Variants in TULP4 observed in about 807,000 individuals in gnomAD.
TULP4 encodes TUB like protein 4, also known as tubby-related protein 4.
In TULP4, 16 loss-of-function variants were observed where a neutral mutation model predicts 129.0. The ratio of observed to expected loss-of-function variants is 0.12; its 90% CI spans 0.08 to 0.19. The LOEUF is 0.19. Among genes scored for constraint, TULP4 ranks in the 10% least tolerant of loss-of-function variants. TULP4 has a pLI of 1.00. For missense variants in TULP4, 1,842 were observed against 2,059.1 expected, an observed-to-expected ratio of 0.89 and a Z score of 2.04; for synonymous variants, 998 against 854.0, an observed-to-expected ratio of 1.17 and a Z score of -2.94.
chr6:158,360,172 A>G (rs1458587948), intron 1 of TULP4, among the ~76,000 whole-genome samples: 1 of 152,116 alleles, frequency 6.6e-6, no homozygotes, highest in Non-Finnish European at 1.5e-5. Context: ...ACACAAATTA[A>G]CAGATTTCAT....
rs377538518 is a variant in TULP4, at chr6:158,480,718, A to G, written c.1252-337A>G. 2.0e-5 allele frequency among the ~76,000 whole-genome samples: 3 copies of G among 151,908 alleles called. No individual in the cohort carries two copies. The South Asian group carries it at 6.2e-4, about 32-fold the overall frequency. The stretch of plus-strand genomic sequence containing the variant: ...GTTTTTTTTTCCTAAGTTGCCTTAC[A>G]CTATTGATTCTACACGAGCAGATCT... On this transcript the variant is annotated intron_variant, in intron 7 of 13. Coordinates refer to ENST00000367097, the MANE Select transcript of TULP4 (RefSeq NM_020245.5).
chr6:158,387,519 G>T (rs1272499570), intron 1 of TULP4, among the ~76,000 whole-genome samples: 1 of 152,196 alleles, frequency 6.6e-6, no homozygotes, highest in Admixed American at 6.5e-5. Flanking sequence ...GTAGCAGCCT[G>T]ATCAGTAAAT....
chr6:158,410,643 G>A (rs1246455769), intron 1 of TULP4, among the ~76,000 whole-genome samples: 1 of 152,182 alleles, frequency 6.6e-6, no homozygotes, highest in African/African-American at 2.4e-5. Context: ...GGATTCTAGT[G>A]CTTGGGTCAA....
At position 158,401,050 on chromosome 6, in the gene TULP4, TTTGTTGTTG is replaced by T. The variant is rs199720242; in HGVS notation, c.253-11988_253-11980del. The stretch of plus-strand genomic sequence containing the variant: ...CCGCCTTTTATGTTTGTTTGGGTTT[TTTGTTGTTG>T]TTGTTGTTGTTGTTGTTGTTGTTGT... On this transcript the variant is annotated intron_variant, in intron 1 of 13. Coordinates refer to ENST00000367097, the MANE Select transcript of TULP4 (RefSeq NM_020245.5). 7.2e-3 allele frequency among the ~76,000 whole-genome samples: 1,062 copies of T among 147,202 alleles called. 4 individuals are homozygous for T. The highest frequency in any genetic ancestry group is 0.018 in the African/African-American group (709 of 39,818).
At chr6:158,276,817 T>A (rs1778655413) in intron 1 of TULP4, among the ~76,000 whole-genome samples, 1 of 152,280 alleles carries the variant, frequency 6.6e-6, no homozygotes, top group Admixed American at 6.5e-5. Flanking sequence ...TATAGTATAT[T>A]TGCTAATAAT....
At chr6:158,469,752 C>T (rs190734663) in intron 6 of TULP4, among the ~76,000 whole-genome samples, 19 of 151,600 alleles carry the variant, frequency 1.3e-4, no homozygotes, top group South Asian at 1.0e-3. Context: ...ATGAATAGAA[C>T]GAGGGGAAAT....
rs572485381 is a variant in TULP4 at position 158,240,966 on chromosome 6, C to T, written n.68+8663C>T. ...CTTCTCAGTCAGGGCAGCTGCCGGG[C>T]GGAGGGGCTCCTCACTTCTCAGACG... On this transcript the variant is annotated intron_variant and non_coding_transcript_variant, in intron 1 of 1. Transcript: ENST00000620026. 1.8e-3 allele frequency among the ~76,000 whole-genome samples: 249 copies of T among 142,254 alleles called. 1 individual carries two copies. The highest frequency in any genetic ancestry group is 5.6e-3 in the African/African-American group (226 of 40,308). The allele number at this position is 142,254 out of a possible 152,430, so 93.3% of individuals were successfully genotyped here.
At chr6:158,453,205 T>C (rs1345290292) in intron 5 of TULP4, among the ~76,000 whole-genome samples, 3 of 152,062 alleles carry the variant, frequency 2.0e-5, no homozygotes, top group Non-Finnish European at 4.4e-5. Context: ...CGGTGGCTCA[T>C]GCCTGTAATC....
In TULP4 at chr6:158,503,733, A is replaced by G. The variant is rs1780529928; in HGVS notation, c.4070A>G (p.Lys1357Arg). 6.2e-7 allele frequency: 1 copy of G among 1,614,106 alleles called. No individual in the cohort carries two copies. Among genetic ancestry groups the G allele is most frequent in the Non-Finnish European group, 8.5e-7 (1 of 1,180,038 alleles). ...EGSVQAITEG[K>R]VKKEARTLSD... Reference sequence around the variant, plus strand: ...AGCGTTCAGGCCATCACTGAGGGCAAAGTGAAGAAGGAGGCTAGGACTTTG... The same window carrying G: ...AGCGTTCAGGCCATCACTGAGGGCAGAGTGAAGAAGGAGGCTAGGACTTTG... Residue 1357 changes from lysine (K) to arginine (R), a missense_variant, in exon 13 of 14, where the codon AAA becomes AGA. By Grantham distance (26) the Lys-to-Arg change is conservative. Around this residue, in one of 5 missense-constraint regions of TULP4, gnomAD observed 1,089 missense variants for 987.1 expected, o/e 1.10. Coordinates refer to ENST00000367097, the MANE Select transcript of TULP4 (RefSeq NM_020245.5). The surrounding 1 kb of genome is among the most constrained non-coding windows in gnomAD (Gnocchi z 4.3).
At chr6:158,239,126 G>A in intron 1 of TULP4, among the ~76,000 whole-genome samples, 1 of 115,314 alleles carries the variant, frequency 8.7e-6, no homozygotes, top group Admixed American at 8.1e-5. Flanking sequence ...TCCCAGTAGG[G>A]GCGGCCGGGC....
intron 1 of TULP4, among the ~76,000 whole-genome samples, chr6:158,283,268 A>G (rs1449521972): frequency 6.6e-6 from 1 of 152,182 alleles, no homozygotes; most frequent in Non-Finnish European, 1.5e-5. Context: ...AATATCTTCC[A>G]TAAATGGTTA....
At chr6:158,384,567 C>T (rs1244649258) in intron 1 of TULP4, among the ~76,000 whole-genome samples, 2 of 152,124 alleles carry the variant, frequency 1.3e-5, no homozygotes, top group East Asian at 1.9e-4. Flanking sequence ...GGATTACAGG[C>T]GTGAGCCACC....
At chr6:158,244,623 A>G (rs1269670211) in intron 1 of TULP4, among the ~76,000 whole-genome samples, 1 of 152,150 alleles carries the variant, frequency 6.6e-6, no homozygotes. Flanking sequence ...AAGGGAGGAA[A>G]AAAAGCCTGA....
intron 1 of TULP4, among the ~76,000 whole-genome samples, chr6:158,332,938 C>T (rs544303294): frequency 6.2e-4 from 94 of 152,204 alleles, no homozygotes; most frequent in African/African-American, 2.0e-3. Context: ...TACACACACA[C>T]GTACATACAT....
upstream of TULP4, among the ~76,000 whole-genome samples, chr6:158,281,145 T>C (rs1778742844): frequency 6.6e-6 from 1 of 152,092 alleles, no homozygotes; most frequent in Admixed American, 6.5e-5. Context: ...CTCATTTGTT[T>C]CCATGCATTT....
intron 6 of TULP4, among the ~76,000 whole-genome samples, chr6:158,474,317 A>G (rs78602319): frequency 1.3e-5 from 2 of 152,218 alleles, no homozygotes; most frequent in African/African-American, 4.8e-5. Flanking sequence ...GTGGCCGGGT[A>G]GCCAGTCCTC....
chr6:158,281,230 TGA>T (rs1778745974), upstream of TULP4, among the ~76,000 whole-genome samples: 1 of 144,756 alleles, frequency 6.9e-6, no homozygotes, highest in African/African-American at 2.5e-5. Context: ...TTTTTTTTTT[TGA>T]GACGGAGTTT....
intron 7 of TULP4, 86 bp from the exon 8 acceptor site, chr6:158,480,969 T>C (rs1231605577): frequency 2.4e-6 from 3 of 1,260,402 alleles, no homozygotes; most frequent in Non-Finnish European, 3.3e-6. Flanking sequence ...GCGTTTTTAG[T>C]TGACCTGCCC....
rs1222467605 is a variant in TULP4, at chr6:158,507,700, A to T, written c.*1006A>T. The T allele has an allele frequency of 6.6e-6, 1 of 152,202 alleles. No homozygotes were observed. Among genetic ancestry groups the T allele is most frequent in the Non-Finnish European group, 1.5e-5 (1 of 68,040 alleles). 9.4% of individuals were successfully genotyped at this position (152,202 alleles called of 1,614,324 possible). On this transcript the variant is annotated 3_prime_UTR_variant, in exon 14 of 14. Transcript: ENST00000367097. ...TCTGGAATGCATTACTGTAAACATGATCTTTCCCATGAGATACCATGTTCT... is the reference window on the plus strand; with the variant it reads ...TCTGGAATGCATTACTGTAAACATGTTCTTTCCCATGAGATACCATGTTCT...
Sources: allele counts gnomAD v4.1 joint callset (sites outside exome capture counted in the v4.1 genomes callset), GRCh38; gene constraint gnomAD v4.1.1; regional missense constraint gnomAD v4.1.1; non-coding constraint Gnocchi (gnomAD v3.1); transcripts MANE v1.5; gene names NCBI Gene and HGNC (gene_info 2026-07-23, HGNC 2026-07-21).